Variants in PTPRQ observed in about 807,000 individuals in gnomAD.
The protein encoded by PTPRQ is phosphatidylinositol phosphatase PTPRQ.
A neutral mutation model predicts 246.0 loss-of-function variants in PTPRQ; 199 were observed. The ratio of observed to expected loss-of-function variants is 0.81; its 90% confidence interval spans 0.72 to 0.91. The LOEUF (loss-of-function observed/expected upper bound fraction) is 0.91, where lower values mean the gene tolerates loss of function less well. PTPRQ is among the 40% of genes least tolerant of loss of function. The pLI, the probability that PTPRQ is intolerant of heterozygous loss-of-function variation, is 0.00. For synonymous variants in PTPRQ, 869 were observed against 853.2 expected, an observed-to-expected ratio of 1.02 and a Z score of -0.32; for missense variants, 2,624 against 2,528.4, an observed-to-expected ratio of 1.04 and a Z score of -0.81.
At chr12:80,655,088 A>G (rs1208000145) in intron 38 of PTPRQ, among the ~76,000 whole-genome samples, 4 of 152,128 alleles carry the variant, frequency 2.6e-5, no homozygotes, top group Non-Finnish European at 5.9e-5. Flanking sequence ...TTAGCTTATT[A>G]CTTATAGGAT....
At chr12:80,647,124 A>C (rs568648492) in intron 35 of PTPRQ, among the ~76,000 whole-genome samples, 59 of 152,310 alleles carry the variant, frequency 3.9e-4, no homozygotes, top group African/African-American at 1.4e-3. Flanking sequence ...TACCGGCTCA[A>C]ATGATCCTCT....
chr12:80,487,090 C>T (rs1231616896), intron 9 of PTPRQ, among the ~76,000 whole-genome samples: 4 of 152,148 alleles, frequency 2.6e-5, no homozygotes, highest in Admixed American at 2.6e-4. Flanking sequence ...GTTTCAATCA[C>T]TGCTTCCTAT....
chr12:80,600,507 A>G (rs994581327), intron 26 of PTPRQ, among the ~76,000 whole-genome samples: 3 of 151,786 alleles, frequency 2.0e-5, no homozygotes, highest in African/African-American at 7.3e-5. Context: ...TTTTCCAGAT[A>G]CAAGCTACCG....
intron 43 of PTPRQ, among the ~76,000 whole-genome samples, chr12:80,673,628 A>G (rs777084978): frequency 4.6e-5 from 7 of 152,140 alleles, no homozygotes; most frequent in Non-Finnish European, 8.8e-5. Flanking sequence ...ACTCAAATCA[A>G]TATCTTTTGA....
intron 43 of PTPRQ, 64 bp from the exon 44 acceptor site, chr12:80,678,538 A>G: frequency 2.0e-6 from 3 of 1,469,240 alleles, no homozygotes; most frequent in Non-Finnish European, 1.8e-6. Flanking sequence ...CTTTAACAAT[A>G]TAACTCCCTT....
At chr12:80,676,376 C>T (rs1259736079) in intron 43 of PTPRQ, among the ~76,000 whole-genome samples, 1 of 152,168 alleles carries the variant, frequency 6.6e-6, no homozygotes, top group East Asian at 1.9e-4. Flanking sequence ...GGTGCGGTGG[C>T]TTATGCCTGT....
chr12:80,635,248 A>G (rs1899601315), intron 35 of PTPRQ, among the ~76,000 whole-genome samples, 175 bp downstream of exon 35: 1 of 152,210 alleles, frequency 6.6e-6, no homozygotes, highest in Non-Finnish European at 1.5e-5. Context: ...TCAGAGAATC[A>G]CTTAATCTTC....
Position 80,625,533 on chromosome 12 carries a change from G to A in PTPRQ, c.5686+3399G>A, listed in dbSNP as rs190662777. 5.3e-5 allele frequency among the ~76,000 whole-genome samples: 8 copies of A among 152,216 alleles called. No homozygotes were observed. In the South Asian group the frequency reaches 1.0e-3, roughly 20 times the overall value. On this transcript the variant is annotated intron_variant, in intron 33 of 44. Coordinates refer to ENST00000644991, the MANE Select transcript of PTPRQ (RefSeq NM_001145026.2). ...AGTGGTAATTATGCCTCTCAGAGAC[G>A]TTATTATTTGGAGTTTAAAATTAGG...
At chr12:80,460,214 C>G (rs1308328424) in intron 5 of PTPRQ, among the ~76,000 whole-genome samples, 1 of 152,140 alleles carries the variant, frequency 6.6e-6, no homozygotes, top group Non-Finnish European at 1.5e-5. Context: ...AGTTCTAATA[C>G]ACGCACACAC....
intron 35 of PTPRQ, among the ~76,000 whole-genome samples, chr12:80,646,319 T>A (rs1900070325): frequency 6.6e-6 from 1 of 152,150 alleles, no homozygotes; most frequent in Non-Finnish European, 1.5e-5. Context: ...CACATGATAA[T>A]ATAACTAGTA....
intron 19 of PTPRQ, among the ~76,000 whole-genome samples, chr12:80,537,675 T>G (rs1247496552): frequency 2.0e-5 from 3 of 152,244 alleles, no homozygotes; most frequent in African/African-American, 7.2e-5. Flanking sequence ...TTAACCTCTT[T>G]GCTACTACTT....
intron 32 of PTPRQ, among the ~76,000 whole-genome samples, chr12:80,621,277 A>G (rs960314248): frequency 1.3e-5 from 2 of 152,090 alleles, no homozygotes; most frequent in African/African-American, 4.8e-5. Flanking sequence ...TAAAAATGAT[A>G]TACTACCAAG....
chr12:80,472,027 T>C, intron 7 of PTPRQ, 78 bp from the exon 8 acceptor site: 3 of 1,511,742 alleles, frequency 2.0e-6, no homozygotes, highest in Non-Finnish European at 2.7e-6. Context: ...AATTGTTGTC[T>C]TTGGCTCTGT....
intron 25 of PTPRQ, among the ~76,000 whole-genome samples, chr12:80,577,411 T>G (rs1415609355): frequency 6.6e-6 from 1 of 152,174 alleles, no homozygotes; most frequent in African/African-American, 2.4e-5. Flanking sequence ...TAACTCACTA[T>G]CATGAGAACA....
chr12:80,490,193 T>TA (rs907886382), intron 9 of PTPRQ, among the ~76,000 whole-genome samples: 2 of 151,952 alleles, frequency 1.3e-5, no homozygotes, highest in African/African-American at 2.4e-5. Flanking sequence ...ATATGCTAAT[T>TA]AAAAAAATTT....
At position 80,510,335 on chromosome 12, in the gene PTPRQ, C is replaced by A. The variant is rs970060433; in HGVS notation, c.2570C>A (p.Pro857His). The change falls in exon 17 of 45, where the codon CCC (proline) becomes CAC (histidine). Residue 857 changes from proline to histidine, a missense_variant. Pro to His is a moderately conservative substitution (Grantham distance 77, BLOSUM62 -2). Transcript: ENST00000644991. ...ILTEEDAPDS[P>H]PQDFSVKQLS... ...CCTAACTTTACAGCTCCTGATTCTC[C>A]CCCTCAAGACTTCTCTGTAAAACAG... is the stretch of plus-strand genomic sequence containing the variant. The A allele has an allele frequency of 1.6e-5, 25 of 1,544,282 alleles. No homozygotes were observed. Among genetic ancestry groups the A allele is most frequent in the Non-Finnish European group, 2.0e-5 (23 of 1,143,422 alleles).
intron 3 of PTPRQ, among the ~76,000 whole-genome samples, chr12:80,452,230 CA>C (rs1892787908): frequency 1.4e-5 from 2 of 148,004 alleles, no homozygotes; most frequent in Non-Finnish European, 3.0e-5. Context: ...GATCTTCCTC[CA>C]TCCTTTTATT....
intron 35 of PTPRQ, among the ~76,000 whole-genome samples, chr12:80,647,494 T>C (rs1234468228): frequency 6.6e-6 from 1 of 152,162 alleles, no homozygotes; most frequent in African/African-American, 2.4e-5. Flanking sequence ...GGATGTAGCC[T>C]GTAGTTTATC....
chr12:80,574,762 A>G (rs945920581), intron 25 of PTPRQ, among the ~76,000 whole-genome samples: 6 of 152,138 alleles, frequency 3.9e-5, no homozygotes, highest in Non-Finnish European at 7.4e-5. Flanking sequence ...TCAGGTTGTT[A>G]TACGTGTCAG....
Sources: allele counts gnomAD v4.1 joint callset (sites outside exome capture counted in the v4.1 genomes callset), GRCh38; gene constraint gnomAD v4.1.1; transcripts MANE v1.5; gene names NCBI Gene and HGNC (gene_info 2026-07-23, HGNC 2026-07-21).